MBNL2: variants seen among roughly 807,000 people sequenced by gnomAD.
MBNL2 encodes the protein muscleblind like splicing regulator 2.
Under a neutral mutation model 41.9 loss-of-function variants are expected in MBNL2, and 17 were observed. The observed-to-expected ratio is 0.41, with a 90% CI of 0.28 to 0.61. MBNL2 has a LOEUF of 0.61. MBNL2 is among the 20% of genes least tolerant of loss of function. The probability of loss-of-function intolerance (pLI) is 0.35; values close to 1 mark genes in which losing one functional copy is unlikely to be tolerated. For synonymous variants in MBNL2, 195 were observed against 182.9 expected, an observed-to-expected ratio of 1.07 and a Z score of -0.53; for missense variants, 336 against 505.6, an observed-to-expected ratio of 0.66 and a Z score of 3.22.
intron 2 of MBNL2, among the ~76,000 whole-genome samples, chr13:97,305,501 T>C (rs1323736012): frequency 8.5e-5 from 13 of 152,196 alleles, no homozygotes; most frequent in Admixed American, 8.5e-4. Flanking sequence ...TGGTGATTCA[T>C]GCTGGTAATC....
intron 2 of MBNL2, among the ~76,000 whole-genome samples, chr13:97,276,706 T>G (rs2052211027): frequency 6.6e-6 from 1 of 152,216 alleles, no homozygotes; most frequent in African/African-American, 2.4e-5. Flanking sequence ...ATAAATATTT[T>G]ATCAACATTT....
intron 1 of MBNL2, among the ~76,000 whole-genome samples, chr13:97,260,333 G>A (rs187403683): frequency 9.2e-5 from 14 of 152,318 alleles, no homozygotes; most frequent in Middle Eastern, 6.8e-3. Flanking sequence ...AGTGTAGGCC[G>A]TCAGAAGACT....
At chr13:97,247,268 C>T (rs1374651390) in intron 1 of MBNL2, among the ~76,000 whole-genome samples, 2 of 152,064 alleles carry the variant, frequency 1.3e-5, no homozygotes, top group Non-Finnish European at 2.9e-5. Context: ...TTATTTGTTT[C>T]CTTATTTTCA....
At chr13:97,226,966 A>G (rs1239066510) in intron 1 of MBNL2, among the ~76,000 whole-genome samples, 4 of 151,170 alleles carry the variant, frequency 2.6e-5, no homozygotes, top group Non-Finnish European at 2.9e-5. Context: ...CACTGTCTCT[A>G]TCTCTAGCAA....
chr13:97,230,372 T>G (rs1335957597), intron 1 of MBNL2, among the ~76,000 whole-genome samples: 1 of 151,810 alleles, frequency 6.6e-6, no homozygotes, highest in African/African-American at 2.4e-5. Flanking sequence ...CGATGATGAG[T>G]TTTTAGACTT....
intron 1 of MBNL2, among the ~76,000 whole-genome samples, chr13:97,239,104 C>G (rs1206524267): frequency 6.6e-6 from 1 of 152,186 alleles, no homozygotes; most frequent in East Asian, 1.9e-4. Flanking sequence ...TCTGTATTAC[C>G]ACAGGCATAA....
At chr13:97,155,349 G>A in the MBNL2 span, among the ~76,000 whole-genome samples, 1 of 147,808 alleles carries the variant, frequency 6.8e-6, no homozygotes, top group African/African-American at 2.5e-5. Context: ...TAATTCCAAG[G>A]TCATTATATT....
At chr13:97,237,896 G>A (rs2043583657) in intron 1 of MBNL2, among the ~76,000 whole-genome samples, 2 of 152,180 alleles carry the variant, frequency 1.3e-5, no homozygotes, top group Admixed American at 1.3e-4. Context: ...GAAGGCATGG[G>A]CTGGGATAGC....
chr13:97,256,317 A>AG (rs1197635147), intron 1 of MBNL2, among the ~76,000 whole-genome samples: 5 of 152,046 alleles, frequency 3.3e-5, no homozygotes, highest in African/African-American at 1.2e-4. Flanking sequence ...TAAAAAAAAA[A>AG]ACTGCCAGCT....
the MBNL2 span, among the ~76,000 whole-genome samples, chr13:97,181,097 C>G: frequency 6.6e-6 from 1 of 151,946 alleles, no homozygotes; most frequent in Non-Finnish European, 1.5e-5. Context: ...CTCTCTCTCC[C>G]CCCCACCTTC....
At chr13:97,169,006 C>T in the MBNL2 span, among the ~76,000 whole-genome samples, 5 of 152,142 alleles carry the variant, frequency 3.3e-5, no homozygotes, top group South Asian at 2.1e-4. Context: ...GAGCCTAGAC[C>T]TGCAGCTGTG....
chr13:97,271,917 A>G (rs545536479), intron 1 of MBNL2, among the ~76,000 whole-genome samples: 7 of 152,314 alleles, frequency 4.6e-5, no homozygotes, highest in Admixed American at 2.0e-4. Flanking sequence ...AGAATGATTT[A>G]TATTCCTTTG....
intron 2 of MBNL2, among the ~76,000 whole-genome samples, chr13:97,302,105 C>T (rs2057686331): frequency 6.6e-6 from 1 of 152,156 alleles, no homozygotes; most frequent in Admixed American, 6.5e-5. Flanking sequence ...AACTATCTCC[C>T]CTTGCTTCTG....
At chr13:97,219,241 A>C (rs2040661084), upstream of MBNL2, among the ~76,000 whole-genome samples, 1 of 152,158 alleles carries the variant, frequency 6.6e-6, no homozygotes, top group African/African-American at 2.4e-5. Context: ...AGAAAACAAG[A>C]AGTAGATCTG....
intron 3 of MBNL2, among the ~76,000 whole-genome samples, chr13:97,341,799 A>T (rs2061462698): frequency 6.6e-6 from 1 of 152,228 alleles, no homozygotes; most frequent in African/African-American, 2.4e-5. Context: ...ATAAAGAAAA[A>T]GTATGTTTAT....
intron 1 of MBNL2, among the ~76,000 whole-genome samples, chr13:97,229,427 A>G (rs1398888955): frequency 1.3e-5 from 2 of 152,098 alleles, no homozygotes; most frequent in African/African-American, 4.8e-5. Flanking sequence ...CTTATATATT[A>G]TTTAGCTCAT....
At chr13:97,241,326 G>A (rs2044233506) in intron 1 of MBNL2, among the ~76,000 whole-genome samples, 1 of 152,096 alleles carries the variant, frequency 6.6e-6, no homozygotes, top group South Asian at 2.1e-4. Flanking sequence ...ACAACCAAGA[G>A]GAAAGAAGTG....
intron 5 of MBNL2, among the ~76,000 whole-genome samples, chr13:97,348,232 AT>A (rs560628397): frequency 7.9e-5 from 12 of 151,284 alleles, no homozygotes; most frequent in South Asian, 6.3e-4. Context: ...CTAAGTTCTA[AT>A]TTTTTTTGTA....
intron 8 of MBNL2, among the ~76,000 whole-genome samples, chr13:97,388,047 G>C (rs755396044): frequency 6.6e-6 from 1 of 152,110 alleles, no homozygotes; most frequent in African/African-American, 2.4e-5. Flanking sequence ...ATGCAGGACA[G>C]GAAAGAAGTG....
Sources: gnomAD v4.1 joint callset for allele counts (sites outside exome capture counted in the v4.1 genomes callset) on GRCh38, gnomAD v4.1.1 for gene constraint, MANE v1.5 for transcripts, NCBI Gene and HGNC (gene_info 2026-07-23, HGNC 2026-07-21) for gene names.